POU2F1: variants seen among roughly 807,000 people sequenced by gnomAD.
POU2F1 encodes POU class 2 homeobox 1.
In POU2F1, 16 loss-of-function variants were observed where a neutral mutation model predicts 84.9. The ratio of observed to expected loss-of-function variants is 0.19; its 90% CI spans 0.13 to 0.29. The LOEUF (loss-of-function observed/expected upper bound fraction) is 0.29. POU2F1 is among the 10% of genes least tolerant of loss of function. POU2F1 has a pLI of 1.00. For missense variants in POU2F1, 738 were observed against 942.6 expected (o/e 0.78, Z 2.84); for synonymous variants, 368 against 368.3 (o/e 1.00, Z 0.01).
intron 1 of POU2F1, among the ~76,000 whole-genome samples, chr1:167,248,136 G>T (rs916005925): frequency 2.0e-5 from 3 of 152,196 alleles, no homozygotes; most frequent in African/African-American, 7.2e-5. Context: ...AGCATTGCAG[G>T]AAATTGATGT....
chr1:167,283,195 T>A (rs1390120856), intron 1 of POU2F1, among the ~76,000 whole-genome samples: 1 of 152,180 alleles, frequency 6.6e-6, no homozygotes. Flanking sequence ...TAAAAATATT[T>A]GAGCATCCAT....
Position 167,418,945 on chromosome 1 carries a change from A to T in POU2F1, c.*3135A>T, listed in dbSNP as rs566137923. The T allele has an allele frequency of 6.6e-6, 1 of 152,278 alleles. No individual in the cohort carries two copies. The highest frequency in any genetic ancestry group is 2.1e-4 in the South Asian group (1 of 4,824). 9.4% of individuals were successfully genotyped at this position (152,278 alleles called of 1,614,324 possible). On this transcript the variant is annotated 3_prime_UTR_variant, in exon 16 of 16. Coordinates refer to ENST00000367866, the MANE Select transcript of POU2F1 (RefSeq NM_002697.4). ...TTTTTTCTCTTTTTTTACTTATTTA[A>T]AAATAAGTTGTGAAATGAAAGGTAC...
At position 167,416,432 on chromosome 1, in the gene POU2F1, T is replaced by C. The variant is rs1471342955; in HGVS notation, c.*622T>C. 1.8e-5 allele frequency: 3 copies of C among 168,900 alleles called. No homozygotes were observed. Among genetic ancestry groups the C allele is most frequent in the Non-Finnish European group, 3.8e-5 (3 of 79,646 alleles). The allele number at this position is 168,900 out of a possible 1,614,324, so 10.5% of individuals were successfully genotyped here. A position where few individuals can be genotyped will look rare whatever the true frequency, so the allele number is the denominator to read the frequency against. ...TATATATATAGTTTGGACATGTTTATTATCTCTTGCTCCTGGATCCTATTT... is the reference window on the plus strand; with the variant it reads ...TATATATATAGTTTGGACATGTTTACTATCTCTTGCTCCTGGATCCTATTT... On this transcript the variant is annotated 3_prime_UTR_variant, in exon 16 of 16. Transcript: ENST00000367866.
Position 167,427,176 on chromosome 1 carries a change from G to A in POU2F1, c.*11366G>A, listed in dbSNP as rs764900768. The A allele has an allele frequency of 3.3e-5, 5 of 152,178 alleles. No individual in the cohort carries two copies. Among genetic ancestry groups the A allele is most frequent in the African/African-American group, 7.2e-5 (3 of 41,436 alleles). 9.4% of individuals were successfully genotyped at this position (152,178 alleles called of 1,614,324 possible). ...CCTAGGGCTGCCTGCAGGGGCTGTAGGCTTGGGAAAGATTGTGTAGGTGAC... is the reference window on the plus strand; with the variant it reads ...CCTAGGGCTGCCTGCAGGGGCTGTAAGCTTGGGAAAGATTGTGTAGGTGAC... On this transcript the variant is annotated 3_prime_UTR_variant, in exon 16 of 16. Coordinates refer to ENST00000367866, the MANE Select transcript of POU2F1 (RefSeq NM_002697.4).
At chr1:167,267,474 G>T (rs1480080357) in intron 1 of POU2F1, among the ~76,000 whole-genome samples, 1 of 151,912 alleles carries the variant, frequency 6.6e-6, no homozygotes, top group African/African-American at 2.4e-5. Context: ...CTTTGTATTA[G>T]TACATAGCTA....
At chr1:167,349,641 T>C (rs6673346) in intron 2 of POU2F1, among the ~76,000 whole-genome samples, 1,786 of 152,310 alleles carry the variant, frequency 0.012, 34 homozygotes, top group African/African-American at 0.041. Flanking sequence ...GCAGTGACTG[T>C]GGTGTATTCA....
chr1:167,308,682 C>T (rs1486509944), intron 1 of POU2F1, among the ~76,000 whole-genome samples: 1 of 152,090 alleles, frequency 6.6e-6, no homozygotes, highest in African/African-American at 2.4e-5. Context: ...CATGCCACAA[C>T]ACCTGGCTGA....
Position 167,412,084 on chromosome 1 carries a change from T to G in POU2F1, c.1681T>G (p.Ser561Ala). 6.2e-7 allele frequency: 1 copy of G among 1,614,166 alleles called. No homozygotes were observed. Among genetic ancestry groups the G allele is most frequent in the Non-Finnish European group, 8.5e-7 (1 of 1,180,008 alleles). Reference protein sequence around the residue: ...PSASASTSEASSASETSTTQT... With the variant: ...PSASASTSEAASASETSTTQT... ...TGCCTCAGCCTCCACCTCCGAGGCATCCAGTGCCAGTGAGACCAGCACAAC... is the reference window on the plus strand; with the variant it reads ...TGCCTCAGCCTCCACCTCCGAGGCAGCCAGTGCCAGTGAGACCAGCACAAC... The change falls in exon 14 of 16, where the codon TCC (serine) becomes GCC (alanine). Residue 561 changes from serine to alanine, a missense_variant. Transcript: ENST00000367866.
chr1:167,342,328 A>G (rs570682794), intron 2 of POU2F1, among the ~76,000 whole-genome samples: 1 of 152,352 alleles, frequency 6.6e-6, no homozygotes, highest in South Asian at 2.1e-4. Flanking sequence ...ATACATAAAT[A>G]CAATAGTATT....
intron 9 of POU2F1, among the ~76,000 whole-genome samples, chr1:167,393,210 G>A (rs1274492695): frequency 1.3e-5 from 2 of 152,042 alleles, no homozygotes; most frequent in Admixed American, 6.6e-5. Context: ...TTACTTTTGT[G>A]AGTGATAACC....
At chr1:167,312,424 C>T (rs1469933103) in intron 1 of POU2F1, among the ~76,000 whole-genome samples, 1 of 151,808 alleles carries the variant, frequency 6.6e-6, no homozygotes, top group African/African-American at 2.4e-5. Context: ...GGTTTCATCT[C>T]GTTTGTTGTT....
rs1650578973 is a variant in POU2F1, at chr1:167,420,469, A to C, written c.*4659A>C. The C allele has an allele frequency of 6.6e-6, 1 of 152,170 alleles. No homozygotes were observed. Among genetic ancestry groups the C allele is most frequent in the Admixed American group, 6.6e-5 (1 of 15,258 alleles). 9.4% of individuals were successfully genotyped at this position (152,170 alleles called of 1,614,324 possible). ...GAGCCACTGTGCCCATCCTCATGTC[A>C]ATTTTTAAAGTGATAAATCCTGATA... On this transcript the variant is annotated 3_prime_UTR_variant, in exon 16 of 16. Transcript: ENST00000367866.
chr1:167,221,590 C>A (rs1648189083), intron 1 of POU2F1, among the ~76,000 whole-genome samples: 1 of 150,282 alleles, frequency 6.7e-6, no homozygotes, highest in Non-Finnish European at 1.5e-5. Context: ...GGGGGCGGCC[C>A]TCAGGGCAAC....
chr1:167,227,253 A>C (rs2102329855), intron 1 of POU2F1, among the ~76,000 whole-genome samples: 1 of 152,322 alleles, frequency 6.6e-6, no homozygotes, highest in Middle Eastern at 3.4e-3. Context: ...TTATCACATT[A>C]TTTATTTCAT....
At chr1:167,300,385 AG>A (rs1348261181) in intron 1 of POU2F1, among the ~76,000 whole-genome samples, 2 of 152,242 alleles carry the variant, frequency 1.3e-5, no homozygotes, top group African/African-American at 4.8e-5. Flanking sequence ...ATATCCAGGT[AG>A]CAAACCTACA....
At position 167,389,733 on chromosome 1, in the gene POU2F1, A is replaced by G. The variant is rs1386250441; in HGVS notation, c.959A>G (p.Gln320Arg). The change falls in exon 9 of 16, where the codon CAA becomes CGA. Residue 320 changes from glutamine to arginine, a missense_variant. This residue lies in a region of POU2F1 where 95 missense variants were observed against 195.1 expected (regional missense o/e 0.49). Coordinates refer to ENST00000367866, the MANE Select transcript of POU2F1 (RefSeq NM_002697.4). ...GAGCAGTTTGCCAAGACCTTCAAAC[A>G]AAGACGAATCAAACTTGGATTCACT... is the stretch of plus-strand genomic sequence containing the variant. ...ELEQFAKTFK[Q>R]RRIKLGFTQG... The G allele has an allele frequency of 6.2e-7, 1 of 1,613,870 alleles. No homozygotes were observed. Among genetic ancestry groups the G allele is most frequent in the African/African-American group, 1.3e-5 (1 of 74,918 alleles).
chr1:167,332,528 C>T lies in POU2F1; in HGVS notation c.120C>T (p.Gly40=), dbSNP rs754044608. The T allele has an allele frequency of 3.7e-5, 59 of 1,602,432 alleles. No individual in the cohort carries two copies. Among genetic ancestry groups the T allele is most frequent in the Non-Finnish European group, 4.4e-5 (51 of 1,169,790 alleles). The change falls in exon 2 of 16, where the codon GGC becomes GGT. Residue 40 remains glycine (G), a synonymous_variant. Transcript: ENST00000367866. ...TSKPSMESGD[G]NTGTQTNGLD... ...AACCATCTATGGAGAGTGGAGATGG[C>T]AACACAGGTAAGAGTTTTCTGATCT...
chr1:167,240,175 C>A (rs1649795587), intron 1 of POU2F1, among the ~76,000 whole-genome samples: 1 of 152,080 alleles, frequency 6.6e-6, no homozygotes. Flanking sequence ...ATATCAAGTT[C>A]TCTTAGACAT....
At position 167,409,600 on chromosome 1, in the gene POU2F1, G is replaced by C. The variant is rs143007629; in HGVS notation, c.1556-2359G>C. Among the ~76,000 whole-genome samples, 576 of 152,176 alleles carry C rather than the reference G, an allele frequency of 3.8e-3. 3 individuals carry two copies. Among genetic ancestry groups the C allele is most frequent in the African/African-American group, 0.013 (554 of 41,518 alleles). On this transcript the variant is annotated intron_variant, in intron 13 of 15. Coordinates refer to ENST00000367866, the MANE Select transcript of POU2F1 (RefSeq NM_002697.4). The stretch of plus-strand genomic sequence containing the variant: ...GCTTATTTATATAACATTTATATTG[G>C]AGACGCCTAGAACAATTTTGAATGC...
Sources: allele counts gnomAD v4.1 joint callset (sites outside exome capture counted in the v4.1 genomes callset), GRCh38; gene constraint gnomAD v4.1.1; regional missense constraint gnomAD v4.1.1; transcripts MANE v1.5; gene names NCBI Gene and HGNC (gene_info 2026-07-23, HGNC 2026-07-21).